Variants in FREM1 observed in about 807,000 individuals in gnomAD.
The protein encoded by FREM1 is FRAS1-related extracellular matrix protein 1.
FREM1 carries 220 observed loss-of-function variants against 210.1 expected under a neutral mutation model. The ratio of observed to expected loss-of-function variants is 1.05; its 90% CI spans 0.94 to 1.17. FREM1 has a LOEUF of 1.17. Ranked by LOEUF, FREM1 falls within the 50% of genes most tolerant of loss-of-function variation. FREM1 has a pLI of 0.00. For missense variants in FREM1, 3,454 were observed against 2,675.5 expected, an observed-to-expected ratio of 1.29 and a Z score of -6.42; for synonymous variants, 1,189 against 980.2, an observed-to-expected ratio of 1.21 and a Z score of -3.98.
At chr9:14,831,923 A>G (rs536140233) in intron 10 of FREM1, among the ~76,000 whole-genome samples, 15 of 152,346 alleles carry the variant, frequency 9.8e-5, no homozygotes, top group Non-Finnish European at 2.2e-4. Context: ...AGCGACGGAC[A>G]GAGAATAGCT....
At chr9:14,821,617 T>A (rs1166386673) in intron 13 of FREM1, among the ~76,000 whole-genome samples, 2 of 152,188 alleles carry the variant, frequency 1.3e-5, no homozygotes, top group African/African-American at 2.4e-5. Context: ...AGGAAAGGTG[T>A]CAAAGAATGG....
intron 1 of FREM1, among the ~76,000 whole-genome samples, chr9:14,902,577 C>A (rs1481073419): frequency 6.6e-6 from 1 of 152,130 alleles, no homozygotes; most frequent in African/African-American, 2.4e-5. Context: ...GATGGTGAGG[C>A]CACATAGTAT....
chr9:14,805,157 A>G lies in FREM1; in HGVS notation c.3275-5T>C. 6.5e-7 allele frequency: 1 copy of G among 1,535,852 alleles called. No homozygotes were observed. The stretch of plus-strand genomic sequence containing the variant: ...TGTCTTTCCACTGAAATGAATCTAG[A>G]GCACACCAAGATGGAACAGATAAAT... On this transcript the variant is annotated splice_polypyrimidine_tract_variant and splice_region_variant and intron_variant, in intron 18 of 36. Transcript: ENST00000380880.
intron 15 of FREM1, 76 bp from the exon 16 acceptor site, chr9:14,813,140 A>G: frequency 5.6e-6 from 8 of 1,426,462 alleles, no homozygotes; most frequent in Non-Finnish European, 7.6e-6. Flanking sequence ...TCCATTGCTC[A>G]TAGTCAGAAT....
rs756814406 is a variant in FREM1, at chr9:14,812,813, T to A, written c.2892A>T (p.Thr964=). 1 of 1,604,044 alleles carries A rather than the reference T, an allele frequency of 6.2e-7. No homozygotes were observed. The highest frequency in any genetic ancestry group is 2.2e-5 in the East Asian group (1 of 44,776). ...ACTGGTCACCATGCTGCTGCTTACC[T>A]GTGTGTTTGTATGTCACGGCCTCTG... ...VISEAVTYKH[T]GGEIGLMPCF... The change falls in exon 16 of 37, where the codon ACA becomes ACT. Residue 964 remains threonine, a splice_region_variant and synonymous_variant. Coordinates refer to ENST00000380880, the MANE Select transcript of FREM1 (RefSeq NM_001379081.2).
At chr9:14,747,608 A>C in intron 32 of FREM1, 73 bp downstream of exon 32, 2 of 1,066,646 alleles carry the variant, frequency 1.9e-6, no homozygotes, top group Non-Finnish European at 2.7e-6. Flanking sequence ...TATAAAAAAT[A>C]TAAAATAATA....
chr9:14,830,632 T>C (rs1365956375), intron 10 of FREM1, among the ~76,000 whole-genome samples: 1 of 152,202 alleles, frequency 6.6e-6, no homozygotes, highest in East Asian at 1.9e-4. Flanking sequence ...TCTTTCGGCT[T>C]TGGAGCTCCC....
intron 24 of FREM1, among the ~76,000 whole-genome samples, chr9:14,780,780 A>G (rs59186796): frequency 0.057 from 8,745 of 152,294 alleles, 592 homozygotes; most frequent in East Asian, 0.32. Flanking sequence ...AGCAAGCAAC[A>G]TAAATTTAGG....
chr9:14,794,096 T>C (rs923774800), intron 21 of FREM1, among the ~76,000 whole-genome samples: 17 of 152,202 alleles, frequency 1.1e-4, no homozygotes, highest in African/African-American at 4.1e-4. Context: ...CAATTCAGTG[T>C]CAGAATTCAA....
chr9:14,871,375 T>C (rs973658005), intron 1 of FREM1, among the ~76,000 whole-genome samples: 1 of 152,224 alleles, frequency 6.6e-6, no homozygotes, highest in African/African-American at 2.4e-5. Flanking sequence ...TATCTCATTG[T>C]GGTTTTGATT....
In FREM1 at chr9:14,848,702, T is replaced by A. The variant is rs1353494098; in HGVS notation, c.1224A>T (p.Thr408=). 2 of 1,612,626 alleles carry A rather than the reference T, an allele frequency of 1.2e-6. No homozygotes were observed. Among genetic ancestry groups the A allele is most frequent in the African/African-American group, 2.7e-5 (2 of 74,924 alleles). ...ATACACGGGGGGCATTTGTATCTGC[T>A]GTTCTGATGGAGATGTGGACTGTCA... The part of the protein sequence containing the change: ...APMTVHISIR[T]ADTNAPRVSW... Residue 408 remains threonine, a synonymous_variant, in exon 7 of 37, where the codon ACA becomes ACT. Coordinates refer to ENST00000380880, the MANE Select transcript of FREM1 (RefSeq NM_001379081.2).
At chr9:14,788,821 G>A (rs983655194) in intron 23 of FREM1, 98 bp downstream of exon 23, 4 of 937,046 alleles carry the variant, frequency 4.3e-6, no homozygotes, top group African/African-American at 3.3e-5. Flanking sequence ...AGGAAAAAAG[G>A]AAAGAAGGGA....
chr9:14,817,276 C>G (rs1588149165), intron 14 of FREM1, among the ~76,000 whole-genome samples: 1 of 152,158 alleles, frequency 6.6e-6, no homozygotes, highest in East Asian at 1.9e-4. Flanking sequence ...CTCCCCTTTT[C>G]TACTTCTAAG....
intron 1 of FREM1, among the ~76,000 whole-genome samples, chr9:14,871,381 T>C (rs920000244): frequency 3.9e-5 from 6 of 152,234 alleles, no homozygotes; most frequent in African/African-American, 1.4e-4. Flanking sequence ...ATTGTGGTTT[T>C]GATTTGCATT....
rs533941514 is a variant in FREM1 at position 14,766,851 on chromosome 9, T to G, written c.5204+2873A>C. ...TTAGCTCATTGATTAATATGCATAT[T>G]GACTGTTCACTTTGTGATTCATCCC... On this transcript the variant is annotated intron_variant, in intron 27 of 36. Coordinates refer to ENST00000380880, the MANE Select transcript of FREM1 (RefSeq NM_001379081.2). Among the ~76,000 whole-genome samples, 8 of 152,348 alleles carry G rather than the reference T, an allele frequency of 5.3e-5. No individual in the cohort carries two copies. The South Asian group carries it at 1.7e-3, about 32-fold the overall frequency.
Position 14,801,884 on chromosome 9 carries a change from A to C in FREM1, c.3472-10T>G. The C allele has an allele frequency of 6.3e-7, 1 of 1,586,186 alleles. No homozygotes were observed. The highest frequency in any genetic ancestry group is 2.2e-5 in the East Asian group (1 of 44,488). ...TCTGACCCTCACACACCTGAGCAAG[A>C]ACACATGAGAAAAGTCAACAATGCA... On this transcript the variant is annotated splice_polypyrimidine_tract_variant and intron_variant, in intron 19 of 36. Coordinates refer to ENST00000380880, the MANE Select transcript of FREM1 (RefSeq NM_001379081.2).
Position 14,775,808 on chromosome 9 carries a change from G to C in FREM1, c.4838C>G (p.Pro1613Arg). The C allele has an allele frequency of 6.2e-7, 1 of 1,611,982 alleles. No individual in the cohort carries two copies. ...FIVNGRVWEE[P>R]VLFTIQVDQL... is the part of the protein sequence containing the mutation. Reference sequence around the variant, plus strand: ...ACTTGCCTGAATGGTGAATAAAACAGGTTCTTCCCACACTCTCCCATTCAC... The same window carrying C: ...ACTTGCCTGAATGGTGAATAAAACACGTTCTTCCCACACTCTCCCATTCAC... The change falls in exon 25 of 37, where the codon CCT becomes CGT. Residue 1613 changes from proline to arginine, a missense_variant. Coordinates refer to ENST00000380880, the MANE Select transcript of FREM1 (RefSeq NM_001379081.2).
intron 21 of FREM1, among the ~76,000 whole-genome samples, chr9:14,794,341 C>T (rs1024512629): frequency 1.3e-5 from 2 of 152,152 alleles, no homozygotes; most frequent in African/African-American, 4.8e-5. Context: ...AACTGTGCTC[C>T]TAATGGACAG....
chr9:14,777,862 T>C (rs184416425), intron 24 of FREM1, among the ~76,000 whole-genome samples: 19 of 152,216 alleles, frequency 1.2e-4, no homozygotes, highest in African/African-American at 1.4e-4. Context: ...GGGAGGGCAG[T>C]TAGACAAAAA....
Sources: gnomAD v4.1 joint callset for allele counts (sites outside exome capture counted in the v4.1 genomes callset) on GRCh38, gnomAD v4.1.1 for gene constraint, MANE v1.5 for transcripts, NCBI Gene and HGNC (gene_info 2026-07-23, HGNC 2026-07-21) for gene names.